Variants in PRKAG2 observed in about 807,000 individuals in gnomAD.
PRKAG2 encodes the protein protein kinase AMP-activated non-catalytic subunit gamma 2.
PRKAG2 carries 26 observed loss-of-function variants against 69.6 expected under a neutral mutation model. The observed-to-expected ratio is 0.37, with a 90% CI of 0.27 to 0.52. The LOEUF is 0.52. Among genes scored for constraint, PRKAG2 ranks in the 20% least tolerant of loss-of-function variants. PRKAG2 has a pLI of 0.90. For missense variants in PRKAG2, 557 were observed against 740.0 expected (o/e 0.75, Z 2.87); for synonymous variants, 293 against 285.0 (o/e 1.03, Z -0.28).
intron 1 of PRKAG2, among the ~76,000 whole-genome samples, chr7:151,840,775 C>T (rs774403521): frequency 7.9e-5 from 12 of 152,230 alleles, no homozygotes; most frequent in African/African-American, 1.4e-4. Flanking sequence ...GGGTTTACAC[C>T]GGAGCGAGGA....
At chr7:151,776,972 G>C (rs1244888055) in intron 3 of PRKAG2, among the ~76,000 whole-genome samples, 1 of 152,146 alleles carries the variant, frequency 6.6e-6, no homozygotes, top group African/African-American at 2.4e-5. Flanking sequence ...GCTGGACACT[G>C]CCGGGGTGAG....
At chr7:151,616,765 T>G (rs965848161) in intron 5 of PRKAG2, among the ~76,000 whole-genome samples, 1 of 152,046 alleles carries the variant, frequency 6.6e-6, no homozygotes, top group African/African-American at 2.4e-5. Flanking sequence ...GAAGAAGTGT[T>G]TGAGAGAGAA....
chr7:151,683,548 G>A (rs1326381459), intron 3 of PRKAG2, among the ~76,000 whole-genome samples: 1 of 152,198 alleles, frequency 6.6e-6, no homozygotes, highest in Non-Finnish European at 1.5e-5. Context: ...TCTGCTGACT[G>A]TTGTTACAAG....
Position 151,792,379 on chromosome 7 carries a change from T to C in PRKAG2, c.115-5838A>G, listed in dbSNP as rs115405076. Among the ~76,000 whole-genome samples, 528 of 152,338 alleles carry C rather than the reference T, an allele frequency of 3.5e-3. 4 individuals carry two copies. Among genetic ancestry groups the C allele is most frequent in the African/African-American group, 0.012 (501 of 41,582 alleles). On this transcript the variant is annotated intron_variant, in intron 1 of 15. Transcript: ENST00000287878. ...TGCACTATCCACATTTGGAGTCACATACAGCTCCTCCTGCCCCCGGCCCGC... is the reference window on the plus strand; with the variant it reads ...TGCACTATCCACATTTGGAGTCACACACAGCTCCTCCTGCCCCCGGCCCGC...
chr7:151,633,932 T>G (rs1423409866), intron 4 of PRKAG2, among the ~76,000 whole-genome samples: 3 of 152,232 alleles, frequency 2.0e-5, no homozygotes, highest in Non-Finnish European at 4.4e-5. Flanking sequence ...TCTATTTATT[T>G]ATTTATTATT....
chr7:151,721,318 T>C (rs936023858), intron 3 of PRKAG2, among the ~76,000 whole-genome samples: 5 of 152,154 alleles, frequency 3.3e-5, no homozygotes, highest in Non-Finnish European at 7.3e-5. Flanking sequence ...TCGGTCACTC[T>C]GGAGCTGCCT....
chr7:151,856,008 C>T (rs1382750707), intron 1 of PRKAG2, among the ~76,000 whole-genome samples: 1 of 152,164 alleles, frequency 6.6e-6, no homozygotes, highest in East Asian at 1.9e-4. Context: ...CACAAAAACC[C>T]GTAAGTCCTA....
intron 3 of PRKAG2, among the ~76,000 whole-genome samples, chr7:151,757,226 C>CAA (rs1386929081): frequency 6.6e-6 from 1 of 152,122 alleles, no homozygotes; most frequent in Non-Finnish European, 1.5e-5. Context: ...ACACAAAGCA[C>CAA]AAAACCTTTG....
At chr7:151,588,930 T>C (rs1255910739) in intron 6 of PRKAG2, among the ~76,000 whole-genome samples, 1 of 152,166 alleles carries the variant, frequency 6.6e-6, no homozygotes, top group Non-Finnish European at 1.5e-5. Context: ...GAAGGGGATG[T>C]CCCCCCTCTC....
At chr7:151,770,748 C>G (rs2075982440) in intron 3 of PRKAG2, among the ~76,000 whole-genome samples, 1 of 152,182 alleles carries the variant, frequency 6.6e-6, no homozygotes, top group African/African-American at 2.4e-5. Context: ...ATCAACCAGT[C>G]TCAGAGCAGC....
chr7:151,873,117 A>T (rs75087342), intron 1 of PRKAG2, among the ~76,000 whole-genome samples: 10,163 of 152,316 alleles, frequency 0.067, 462 homozygotes, highest in East Asian at 0.19. Flanking sequence ...CCCTATGTCC[A>T]GGTCCTTCCT....
intron 3 of PRKAG2, among the ~76,000 whole-genome samples, chr7:151,731,422 C>A (rs1237324929): frequency 6.6e-6 from 1 of 152,218 alleles, no homozygotes; most frequent in Non-Finnish European, 1.5e-5. Context: ...CCAGCGACAG[C>A]CACAGGCTTT....
intron 5 of PRKAG2, among the ~76,000 whole-genome samples, chr7:151,626,132 C>A (rs893083864): frequency 6.6e-6 from 1 of 152,160 alleles, no homozygotes; most frequent in African/African-American, 2.4e-5. Context: ...ATGCCCTGGG[C>A]CCTGATGACT....
At chr7:151,726,018 A>C (rs982582106) in intron 3 of PRKAG2, among the ~76,000 whole-genome samples, 1 of 152,150 alleles carries the variant, frequency 6.6e-6, no homozygotes, top group African/African-American at 2.4e-5. Flanking sequence ...TACAGTTCCC[A>C]GTCATGAATA....
At chr7:151,754,528 G>A (rs2074938015) in intron 3 of PRKAG2, among the ~76,000 whole-genome samples, 1 of 152,216 alleles carries the variant, frequency 6.6e-6, no homozygotes, top group Non-Finnish European at 1.5e-5. Context: ...GGGGCTTAGG[G>A]GCAGACTTGG....
chr7:151,787,118 C>G (rs528163047), intron 1 of PRKAG2, among the ~76,000 whole-genome samples: 1 of 152,350 alleles, frequency 6.6e-6, no homozygotes, highest in African/African-American at 2.4e-5. Flanking sequence ...ATCTTGCCTC[C>G]ACACCAGGCA....
chr7:151,723,471 TGGC>T (rs1797444915), intron 3 of PRKAG2, among the ~76,000 whole-genome samples: 1 of 152,244 alleles, frequency 6.6e-6, no homozygotes, highest in African/African-American at 2.4e-5. Context: ...AAGAACATGG[TGGC>T]GAACTGGCCC....
chr7:151,749,751 G>A (rs190332160), intron 3 of PRKAG2, among the ~76,000 whole-genome samples: 12 of 149,468 alleles, frequency 8.0e-5, no homozygotes, highest in Non-Finnish European at 1.5e-4. Context: ...AACAGCAATG[G>A]TAGACCACTT....
intron 3 of PRKAG2, among the ~76,000 whole-genome samples, chr7:151,745,112 G>A (rs569693154): frequency 1.6e-4 from 25 of 152,108 alleles, no homozygotes; most frequent in Non-Finnish European, 3.4e-4. Flanking sequence ...ATGGGTGGAC[G>A]GCTGCAGAAG....
Sources: allele counts gnomAD v4.1 joint callset (sites outside exome capture counted in the v4.1 genomes callset), GRCh38; gene constraint gnomAD v4.1.1; transcripts MANE v1.5; gene names NCBI Gene and HGNC (gene_info 2026-07-23, HGNC 2026-07-21).